The following PTPRA variants were observed in gnomAD, a reference collection of about 807,000 sequenced individuals.
PTPRA encodes receptor-type tyrosine-protein phosphatase alpha.
PTPRA carries 25 observed loss-of-function variants against 104.8 expected under a neutral mutation model. That is an observed-to-expected ratio of 0.24 (90% confidence interval 0.17 to 0.33). The LOEUF is 0.33. Ranked by LOEUF, PTPRA falls within the 10% of genes least tolerant of loss-of-function variation. The probability of loss-of-function intolerance (pLI) is 1.00; values close to 1 mark genes in which losing one functional copy is unlikely to be tolerated. For missense variants in PTPRA, 765 were observed against 1,015.3 expected (o/e 0.75, Z 3.35); for synonymous variants, 323 against 368.9 (o/e 0.88, Z 1.43).
chr20:2,981,534 T>C (rs552756961), intron 6 of PTPRA, among the ~76,000 whole-genome samples: 6 of 152,190 alleles, frequency 3.9e-5, no homozygotes, highest in Non-Finnish European at 8.8e-5. Flanking sequence ...TAACAGAGAA[T>C]TGTATAGCCC....
At position 2,962,535 on chromosome 20, in the gene PTPRA, A is replaced by G. The variant is rs202243648; in HGVS notation, c.-6-1737A>G. Among the ~76,000 whole-genome samples the G allele has an allele frequency of 3.3e-5, 5 of 152,216 alleles. No homozygotes were observed. In the East Asian group the frequency reaches 5.8e-4, roughly 18 times the overall value. Reference sequence around the variant, plus strand: ...AATAGACATGTATACATATACATATATAATAGTCAGCCTTCCACTTGTTGT... The same window carrying G: ...AATAGACATGTATACATATACATATGTAATAGTCAGCCTTCCACTTGTTGT... On this transcript the variant is annotated intron_variant, in intron 3 of 23. Coordinates refer to ENST00000399903, the MANE Select transcript of PTPRA (RefSeq NM_001385305.1).
At chr20:2,975,923 T>C (rs2062413916) in intron 6 of PTPRA, among the ~76,000 whole-genome samples, 1 of 152,242 alleles carries the variant, frequency 6.6e-6, no homozygotes, top group Non-Finnish European at 1.5e-5. Flanking sequence ...GCAGTGTTTT[T>C]ATCATAATTT....
chr20:2,975,958 G>GT (rs1304209010), intron 6 of PTPRA, among the ~76,000 whole-genome samples: 10 of 152,048 alleles, frequency 6.6e-5, no homozygotes, highest in South Asian at 2.1e-4. Context: ...TCAGACTTGA[G>GT]TTTTTTTTCT....
chr20:3,022,241 G>T lies in PTPRA; in HGVS notation c.1328+21G>T, dbSNP rs774479998. 3.7e-6 allele frequency: 6 copies of T among 1,612,570 alleles called. No homozygotes were observed. The highest frequency in any genetic ancestry group is 5.1e-6 in the Non-Finnish European group (6 of 1,179,044). On this transcript the variant is annotated intron_variant, in intron 15 of 23. Transcript: ENST00000399903. The surrounding 1 kb of genome is among the most constrained non-coding windows in gnomAD (Gnocchi z 4.6). ...TGCAGGTCAGTGTGGCCTGACCCTT[G>T]TACCCCCACCCCCACATTTCGCCCC...
chr20:3,034,552 A>T (rs1014881690), intron 20 of PTPRA, among the ~76,000 whole-genome samples: 2 of 143,808 alleles, frequency 1.4e-5, no homozygotes, highest in African/African-American at 5.1e-5. Context: ...CTTAATGAGA[A>T]TTTTTTTTTT....
At chr20:2,957,949 T>TTA (rs1302589432) in intron 3 of PTPRA, among the ~76,000 whole-genome samples, 1 of 136,158 alleles carries the variant, frequency 7.3e-6, no homozygotes. Context: ...AGTTATTTGA[T>TTA]TTTTTTTTTT....
intron 2 of PTPRA, among the ~76,000 whole-genome samples, chr20:2,946,859 A>T (rs1178048): frequency 0.63 from 95,683 of 150,896 alleles, 31,359 homozygotes; most frequent in East Asian, 0.88. Context: ...GAAAAAAAAA[A>T]AATAATAATA....
At chr20:2,954,851 C>A (rs1268255754) in intron 3 of PTPRA, among the ~76,000 whole-genome samples, 1 of 152,122 alleles carries the variant, frequency 6.6e-6, no homozygotes, top group Non-Finnish European at 1.5e-5. Flanking sequence ...GTTTTCGACC[C>A]ATTTTTAGTT....
chr20:2,866,283 C>T, the PTPRA span: 81 of 1,613,952 alleles, frequency 5.0e-5, no homozygotes, highest in Middle Eastern at 1.6e-4. Context: ...GCGTGGGTCC[C>T]GAGCAGAAGG....
chr20:2,951,665 A>C (rs546328760), intron 3 of PTPRA, among the ~76,000 whole-genome samples: 10 of 152,160 alleles, frequency 6.6e-5, no homozygotes, highest in Middle Eastern at 3.4e-3. Flanking sequence ...AAACCACATA[A>C]AGGCTCTTGC....
At chr20:2,890,573 G>A (rs1340666611) in intron 1 of PTPRA, among the ~76,000 whole-genome samples, 1 of 152,188 alleles carries the variant, frequency 6.6e-6, no homozygotes, top group African/African-American at 2.4e-5. Flanking sequence ...TTGGGGCACA[G>A]TGTAGCATTA....
chr20:2,894,652 A>C lies in PTPRA; in HGVS notation c.-129+20892A>C, dbSNP rs564963385. On this transcript the variant is annotated intron_variant, in intron 1 of 23. Coordinates refer to ENST00000399903, the MANE Select transcript of PTPRA (RefSeq NM_001385305.1). Reference sequence around the variant, plus strand: ...ACTGTGCTACCAGTTTGTGATCTTCACTTTAACTGTGAAAGGACTGTCAAA... The same window carrying C: ...ACTGTGCTACCAGTTTGTGATCTTCCCTTTAACTGTGAAAGGACTGTCAAA... Among the ~76,000 whole-genome samples the C allele has an allele frequency of 2.0e-4, 31 of 151,338 alleles. No homozygotes were observed. In the South Asian group the frequency reaches 3.3e-3, roughly 16 times the overall value.
intron 10 of PTPRA, 109 bp downstream of exon 10, chr20:3,005,255 G>A (rs898687664): frequency 1.8e-6 from 2 of 1,099,470 alleles, no homozygotes; most frequent in Non-Finnish European, 1.4e-6. Flanking sequence ...TGAATAACAA[G>A]AGTGCGTTCA....
chr20:2,928,818 CT>C (rs1275362879), intron 2 of PTPRA, among the ~76,000 whole-genome samples: 3 of 147,784 alleles, frequency 2.0e-5, no homozygotes, highest in African/African-American at 7.4e-5. Flanking sequence ...ATCTCCTAAT[CT>C]TTTTTTCTCT....
intron 2 of PTPRA, among the ~76,000 whole-genome samples, chr20:2,939,853 T>C: frequency 6.6e-6 from 1 of 152,192 alleles, no homozygotes; most frequent in Non-Finnish European, 1.5e-5. Context: ...ACGCCTACAA[T>C]CCCAGCACTT....
intron 3 of PTPRA, among the ~76,000 whole-genome samples, chr20:2,952,335 AT>A (rs2061382038): frequency 6.6e-6 from 1 of 152,214 alleles, no homozygotes; most frequent in South Asian, 2.1e-4. Flanking sequence ...AGCATCTTTC[AT>A]GTGCTTATTT....
At chr20:2,954,563 T>C (rs1032283253) in intron 3 of PTPRA, among the ~76,000 whole-genome samples, 1 of 152,212 alleles carries the variant, frequency 6.6e-6, no homozygotes, top group African/African-American at 2.4e-5. Context: ...TTGTTGTTGT[T>C]GAGTTGTAGG....
At chr20:2,970,336 A>G (rs1484211270) in intron 5 of PTPRA, among the ~76,000 whole-genome samples, 2 of 152,194 alleles carry the variant, frequency 1.3e-5, no homozygotes, top group Non-Finnish European at 2.9e-5. Flanking sequence ...CCTATTAACA[A>G]TATGTCAAAG....
At chr20:3,000,212 C>G (rs1383997978) in intron 9 of PTPRA, among the ~76,000 whole-genome samples, 1 of 152,120 alleles carries the variant, frequency 6.6e-6, no homozygotes. Context: ...TGCTTGAACA[C>G]AGGAGGTGGA....
Sources: gnomAD v4.1 joint callset for allele counts (sites outside exome capture counted in the v4.1 genomes callset) on GRCh38, gnomAD v4.1.1 for gene constraint, Gnocchi (gnomAD v3.1) non-coding constraint, MANE v1.5 for transcripts, NCBI Gene and HGNC (gene_info 2026-07-23, HGNC 2026-07-21) for gene names.